PTPRQ: variants seen among roughly 807,000 people sequenced by gnomAD.
PTPRQ encodes protein tyrosine phosphatase receptor type Q, also known as phosphatidylinositol phosphatase PTPRQ.
PTPRQ carries 199 observed loss-of-function variants against 246.0 expected under a neutral mutation model. That is an observed-to-expected ratio of 0.81 (90% CI 0.72 to 0.91). PTPRQ has a LOEUF of 0.91. PTPRQ is among the 40% of genes least tolerant of loss of function. The probability of loss-of-function intolerance (pLI) is 0.00; values close to 1 mark genes in which losing one functional copy is unlikely to be tolerated. For synonymous variants in PTPRQ, 869 were observed against 853.2 expected, an observed-to-expected ratio of 1.02 and a Z score of -0.32; for missense variants, 2,624 against 2,528.4, an observed-to-expected ratio of 1.04 and a Z score of -0.81.
chr12:80,551,720 T>C (rs1013649563), intron 25 of PTPRQ, among the ~76,000 whole-genome samples: 30 of 152,136 alleles, frequency 2.0e-4, no homozygotes, highest in African/African-American at 7.2e-4. Context: ...ATTTGGCTTC[T>C]CTCTAGCTTT....
chr12:80,553,839 G>A (rs144376032), intron 25 of PTPRQ, among the ~76,000 whole-genome samples: 23 of 152,076 alleles, frequency 1.5e-4, no homozygotes, highest in African/African-American at 3.9e-4. Context: ...ATGTGCATGC[G>A]GTATTTAATT....
Position 80,472,329 on chromosome 12 carries a change from G to A in PTPRQ, c.1186+78G>A, listed in dbSNP as rs1001912605. 4.8e-5 allele frequency: 72 copies of A among 1,504,624 alleles called. No homozygotes were observed. The East Asian group carries it at 1.5e-3, about 32-fold the overall frequency. The allele number at this position is 1,504,624 out of a possible 1,614,324, so 93.2% of individuals were successfully genotyped here. On this transcript the variant is annotated intron_variant, in intron 8 of 44. Transcript: ENST00000644991. ...GAATTGGTAAAACATGATATTAGAA[G>A]CAATTTGTTTTACATTTACTTAAAT...
chr12:80,578,133 A>C (rs1000698968), intron 25 of PTPRQ, among the ~76,000 whole-genome samples: 4 of 151,122 alleles, frequency 2.6e-5, no homozygotes, highest in African/African-American at 9.7e-5. Flanking sequence ...GGTTTGTTAC[A>C]TATGTATACA....
intron 9 of PTPRQ, among the ~76,000 whole-genome samples, chr12:80,485,422 C>G (rs1894242113): frequency 6.6e-6 from 1 of 152,186 alleles, no homozygotes; most frequent in Non-Finnish European, 1.5e-5. Flanking sequence ...TTATTCAGCA[C>G]CTGGCGTCTG....
At chr12:80,579,241 C>G (rs1592679307) in intron 25 of PTPRQ, among the ~76,000 whole-genome samples, 1 of 152,126 alleles carries the variant, frequency 6.6e-6, no homozygotes, top group Non-Finnish European at 1.5e-5. Flanking sequence ...TCTGTTGTTT[C>G]TCTGTCACCT....
In PTPRQ at chr12:80,578,965, T is replaced by C. The variant is rs1897353001; in HGVS notation, c.4286-9164T>C. The stretch of plus-strand genomic sequence containing the variant: ...TCTAGGAAGTCTACAGTGTGTATTT[T>C]GTCAGTTAATCTAATTCCTGGGTTC... On this transcript the variant is annotated intron_variant, in intron 25 of 44. Coordinates refer to ENST00000644991, the MANE Select transcript of PTPRQ (RefSeq NM_001145026.2). Among the ~76,000 whole-genome samples the C allele has an allele frequency of 2.6e-5, 4 of 152,182 alleles. 1 individual carries two copies. Among genetic ancestry groups the C allele is most frequent in the African/African-American group, 9.7e-5 (4 of 41,436 alleles).
At position 80,493,429 on chromosome 12, in the gene PTPRQ, G is replaced by C; in HGVS notation, c.1514G>C (p.Arg505Thr). Residue 505 changes from arginine (R) to threonine (T), a missense_variant, in exon 10 of 45, where the codon AGA (arginine) becomes ACA (threonine). Arg to Thr is a moderately conservative substitution (Grantham distance 71). Coordinates refer to ENST00000644991, the MANE Select transcript of PTPRQ (RefSeq NM_001145026.2). ...GATAAAAACTTTCCTGCAAGGAATA[G>C]AGCTGAAGACCAGACTTCACCAGTT... The part of the protein sequence containing the change: ...HPDKNFPARN[R>T]AEDQTSPVVT... The C allele has an allele frequency of 6.5e-7, 1 of 1,549,018 alleles. No individual in the cohort carries two copies. The highest frequency in any genetic ancestry group is 2.4e-5 in the East Asian group (1 of 40,866).
In PTPRQ at chr12:80,634,933, C is replaced by A; in HGVS notation, c.5787-12C>A. The stretch of plus-strand genomic sequence containing the variant: ...GAAACTCCCTTCTTGGACTTTACTC[C>A]GCTTGTTTTAGAATTCGACAGAAGC... On this transcript the variant is annotated splice_polypyrimidine_tract_variant and intron_variant, in intron 34 of 44. Coordinates refer to ENST00000644991, the MANE Select transcript of PTPRQ (RefSeq NM_001145026.2). 6.5e-7 allele frequency: 1 copy of A among 1,548,370 alleles called. No homozygotes were observed. The highest frequency in any genetic ancestry group is 8.7e-7 in the Non-Finnish European group (1 of 1,145,386).
At chr12:80,644,837 T>C (rs866141699) in intron 35 of PTPRQ, among the ~76,000 whole-genome samples, 22 of 151,946 alleles carry the variant, frequency 1.4e-4, no homozygotes, top group Admixed American at 7.9e-4. Flanking sequence ...CTATACAACA[T>C]GAGGCTAAGA....
intron 3 of PTPRQ, among the ~76,000 whole-genome samples, chr12:80,450,073 T>C (rs1260243055): frequency 6.6e-6 from 1 of 152,196 alleles, no homozygotes; most frequent in Non-Finnish European, 1.5e-5. Context: ...TTTGTAGTTC[T>C]CCTTGAAGAG....
chr12:80,450,814 A>C (rs901636728), intron 3 of PTPRQ, among the ~76,000 whole-genome samples: 1 of 152,200 alleles, frequency 6.6e-6, no homozygotes, highest in Non-Finnish European at 1.5e-5. Context: ...ATCGATGTTC[A>C]TCAAGGATAT....
At chr12:80,577,782 T>C (rs1897314760) in intron 25 of PTPRQ, among the ~76,000 whole-genome samples, 1 of 152,164 alleles carries the variant, frequency 6.6e-6, no homozygotes. Context: ...TCCTATTTCA[T>C]GCACATTGAA....
At position 80,534,874 on chromosome 12, in the gene PTPRQ, C is replaced by T. The variant is rs1393894552; in HGVS notation, c.2840-18C>T. ...GTAAACACAAATACAGTAATTTGTT[C>T]AATTATTTGTTTTATAGCACCAAGC... On this transcript the variant is annotated intron_variant, in intron 18 of 44. Transcript: ENST00000644991. 1.3e-6 allele frequency: 2 copies of T among 1,541,504 alleles called. No individual in the cohort carries two copies. The highest frequency in any genetic ancestry group is 1.7e-6 in the Non-Finnish European group (2 of 1,143,184).
chr12:80,648,553 A>G (rs1900152704), intron 35 of PTPRQ, among the ~76,000 whole-genome samples: 1 of 152,074 alleles, frequency 6.6e-6, no homozygotes, highest in African/African-American at 2.4e-5. Context: ...AATCCACATT[A>G]GCTCTTTTAG....
chr12:80,506,503 T>C, intron 15 of PTPRQ, 66 bp from the exon 16 acceptor site: 2 of 1,250,778 alleles, frequency 1.6e-6, no homozygotes, highest in Non-Finnish European at 2.2e-6. Context: ...ATTTCATAGT[T>C]TGCCTCTTGC....
chr12:80,471,856 G>C (rs1893648346), intron 7 of PTPRQ, among the ~76,000 whole-genome samples: 2 of 151,902 alleles, frequency 1.3e-5, no homozygotes, highest in African/African-American at 2.4e-5. Flanking sequence ...ATTCAAAAAG[G>C]CTTTATGATT....
rs138424259 is a variant in PTPRQ, at chr12:80,622,584, A to G, written c.5686+450A>G. 1.3e-3 allele frequency among the ~76,000 whole-genome samples: 191 copies of G among 152,136 alleles called. 1 individual carries two copies. The highest frequency in any genetic ancestry group is 4.4e-3 in the African/African-American group (181 of 41,534). On this transcript the variant is annotated intron_variant, in intron 33 of 44. Transcript: ENST00000644991. ...GATGAGAAACTCTGACTTAAGCCCT[A>G]ATGTTGACTCCATTTTACAGATGAG...
At chr12:80,466,938 T>G (rs968744413) in intron 6 of PTPRQ, among the ~76,000 whole-genome samples, 1 of 152,166 alleles carries the variant, frequency 6.6e-6, no homozygotes, top group African/African-American at 2.4e-5. Flanking sequence ...ATTCAGGACA[T>G]AGGCATGGGC....
chr12:80,662,175 AG>A (rs1900654134), intron 39 of PTPRQ, among the ~76,000 whole-genome samples: 1 of 151,942 alleles, frequency 6.6e-6, no homozygotes. Flanking sequence ...TAAATCTCAA[AG>A]GATGAAAAGA....
Sources: allele counts gnomAD v4.1 joint callset (sites outside exome capture counted in the v4.1 genomes callset), GRCh38; gene constraint gnomAD v4.1.1; transcripts MANE v1.5; gene names NCBI Gene and HGNC (gene_info 2026-07-23, HGNC 2026-07-21).